GRM1: variants seen among roughly 807,000 people sequenced by gnomAD.
GRM1 encodes metabotropic glutamate receptor 1.
A neutral mutation model predicts 90.9 loss-of-function variants in GRM1; 33 were observed. The ratio of observed to expected loss-of-function variants is 0.36; its 90% CI spans 0.28 to 0.49. The LOEUF (loss-of-function observed/expected upper bound fraction) is 0.49, where lower values mean the gene tolerates loss of function less well. Among genes scored for constraint, GRM1 ranks in the 20% least tolerant of loss-of-function variants. The pLI, the probability that GRM1 is intolerant of heterozygous loss-of-function variation, is 0.99. For synonymous variants in GRM1, 700 were observed against 613.2 expected (o/e 1.14, Z -2.09); for missense variants, 1,190 against 1,534.3 (o/e 0.78, Z 3.75).
chr6:146,343,773 C>T (rs779447878), intron 3 of GRM1, among the ~76,000 whole-genome samples: 11 of 151,906 alleles, frequency 7.2e-5, no homozygotes, highest in African/African-American at 1.9e-4. Flanking sequence ...CGGATTCAAG[C>T]GATTTCTGGC....
intron 7 of GRM1, among the ~76,000 whole-genome samples, chr6:146,414,850 T>C (rs1318069786): frequency 1.3e-5 from 2 of 152,274 alleles, no homozygotes; most frequent in Admixed American, 6.5e-5. Flanking sequence ...GTCCAATTGA[T>C]AAATTTTCCT....
intron 2 of GRM1, among the ~76,000 whole-genome samples, chr6:146,270,912 T>TCTTTCTTTCTTTCTTCCTTCCTTCCTTC (rs1782121052): frequency 1.2e-5 from 1 of 86,814 alleles, no homozygotes; most frequent in African/African-American, 5.7e-5. Context: ...TTTCTTTCTT[T>TCTTTCTTTCTTTCTTCCTTCCTTCCTTC]CTTCCTTCCT....
At chr6:146,099,640 G>C (rs1776984833) in intron 1 of GRM1, among the ~76,000 whole-genome samples, 1 of 152,134 alleles carries the variant, frequency 6.6e-6, no homozygotes, top group Admixed American at 6.5e-5. Flanking sequence ...CTTTATATAA[G>C]TGGGACCATT....
intron 2 of GRM1, among the ~76,000 whole-genome samples, chr6:146,181,009 G>A (rs1447807558): frequency 3.3e-5 from 5 of 152,048 alleles, no homozygotes; most frequent in Admixed American, 6.6e-5. Context: ...ATTATGAAAC[G>A]TATAATTATA....
intron 2 of GRM1, among the ~76,000 whole-genome samples, chr6:146,289,567 T>A (rs529875528): frequency 6.6e-6 from 1 of 152,184 alleles, no homozygotes; most frequent in African/African-American, 2.4e-5. Context: ...CCAGTGTTTA[T>A]AAAGTCTATG....
intron 1 of GRM1, among the ~76,000 whole-genome samples, chr6:146,101,150 G>T (rs562253186): frequency 7.9e-5 from 12 of 152,106 alleles, no homozygotes; most frequent in Admixed American, 5.9e-4. Context: ...ATGTGAATTT[G>T]CTATATATTT....
chr6:146,135,118 T>G (rs1776571439), intron 1 of GRM1, among the ~76,000 whole-genome samples: 1 of 152,144 alleles, frequency 6.6e-6, no homozygotes, highest in African/African-American at 2.4e-5. Context: ...TATTTGCATA[T>G]ATATAAATTA....
At chr6:146,426,320 A>G (rs954645004) in intron 7 of GRM1, among the ~76,000 whole-genome samples, 3 of 150,342 alleles carry the variant, frequency 2.0e-5, no homozygotes, top group African/African-American at 7.4e-5. Context: ...ACACACACAC[A>G]CACACAGCAA....
At chr6:146,416,644 T>C (rs1423297381) in intron 7 of GRM1, among the ~76,000 whole-genome samples, 3 of 152,190 alleles carry the variant, frequency 2.0e-5, no homozygotes, top group Admixed American at 6.5e-5. Context: ...CTCCTTTACG[T>C]TATAATCCAG....
upstream of GRM1, among the ~76,000 whole-genome samples, chr6:146,028,556 G>T (rs1790585129): frequency 1.3e-5 from 2 of 151,852 alleles, 1 homozygote; most frequent in South Asian, 4.1e-4. Context: ...TACCTTATCT[G>T]CACCCCTTCT....
chr6:146,231,593 T>C (rs760982255), intron 2 of GRM1, among the ~76,000 whole-genome samples: 2 of 152,134 alleles, frequency 1.3e-5, no homozygotes, highest in Admixed American at 6.6e-5. Context: ...TTGTGTCATG[T>C]CATATACTAT....
chr6:146,145,723 A>T (rs1178540865), intron 1 of GRM1, among the ~76,000 whole-genome samples: 2 of 152,176 alleles, frequency 1.3e-5, no homozygotes, highest in African/African-American at 4.8e-5. Context: ...CTAGAATAAT[A>T]ATGAACAGAA....
At chr6:146,035,335 A>C (rs1024331123) in intron 1 of GRM1, among the ~76,000 whole-genome samples, 4 of 152,016 alleles carry the variant, frequency 2.6e-5, no homozygotes, top group African/African-American at 9.7e-5. Flanking sequence ...ACAGTTAGAC[A>C]TGTGAACTTT....
At chr6:146,170,109 C>T (rs921056993) in intron 2 of GRM1, among the ~76,000 whole-genome samples, 18 of 151,752 alleles carry the variant, frequency 1.2e-4, no homozygotes, top group Non-Finnish European at 1.5e-4. Flanking sequence ...GTCTTTTGGC[C>T]TCTTTTGTTT....
intron 1 of GRM1, among the ~76,000 whole-genome samples, chr6:146,092,039 C>T (rs1289308250): frequency 6.6e-6 from 1 of 152,090 alleles, no homozygotes; most frequent in African/African-American, 2.4e-5. Context: ...TTCACTTTCC[C>T]ATTCCCCGAA....
At chr6:146,225,446 A>T (rs1199856460) in intron 2 of GRM1, among the ~76,000 whole-genome samples, 1 of 152,140 alleles carries the variant, frequency 6.6e-6, no homozygotes, top group African/African-American at 2.4e-5. Flanking sequence ...CAAACTCCTG[A>T]TATGAAGGAA....
At chr6:146,168,094 C>T (rs529762569) in intron 2 of GRM1, among the ~76,000 whole-genome samples, 2 of 151,780 alleles carry the variant, frequency 1.3e-5, no homozygotes, top group African/African-American at 2.4e-5. Context: ...ATATCCCAGT[C>T]GTTTGAGAAC....
intron 3 of GRM1, among the ~76,000 whole-genome samples, chr6:146,310,892 T>C (rs1783748702): frequency 2.0e-5 from 3 of 152,168 alleles, no homozygotes; most frequent in Admixed American, 1.3e-4. Context: ...CAGCAGAACT[T>C]CCTAGTTGAC....
intron 1 of GRM1, among the ~76,000 whole-genome samples, chr6:146,044,144 G>A (rs182397145): frequency 1.8e-3 from 267 of 151,922 alleles, no homozygotes; most frequent in African/African-American, 6.0e-3. Context: ...TTTTTGACAG[G>A]GCATATGTGT....
Sources: gnomAD v4.1 joint callset for allele counts (sites outside exome capture counted in the v4.1 genomes callset) on GRCh38, gnomAD v4.1.1 for gene constraint, MANE v1.5 for transcripts, NCBI Gene and HGNC (gene_info 2026-07-23, HGNC 2026-07-21) for gene names.